Variants in STOX2 observed in about 807,000 individuals in gnomAD.
The protein encoded by STOX2 is storkhead box 2, also known as storkhead-box protein 2.
Under a neutral mutation model 60.9 loss-of-function variants are expected in STOX2, and 28 were observed. The ratio of observed to expected loss-of-function variants is 0.46; its 90% CI spans 0.34 to 0.63. The LOEUF (loss-of-function observed/expected upper bound fraction) is 0.63. Ranked by LOEUF, STOX2 falls within the 30% of genes least tolerant of loss-of-function variation. The probability of loss-of-function intolerance (pLI) is 0.01; values close to 1 mark genes in which losing one functional copy is unlikely to be tolerated. For missense variants in STOX2, 1,024 were observed against 1,187.7 expected, an observed-to-expected ratio of 0.86 and a Z score of 2.03; for synonymous variants, 472 against 463.9, an observed-to-expected ratio of 1.02 and a Z score of -0.22.
At chr4:183,892,369 C>T (rs896220134) in intron 1 of STOX2, among the ~76,000 whole-genome samples, 2 of 152,196 alleles carry the variant, frequency 1.3e-5, no homozygotes, top group Admixed American at 6.5e-5. Context: ...AGCTCCGCCT[C>T]CCGGGTTCAC....
At chr4:183,916,317 A>G (rs1741930408) in intron 1 of STOX2, among the ~76,000 whole-genome samples, 1 of 151,880 alleles carries the variant, frequency 6.6e-6, no homozygotes, top group Non-Finnish European at 1.5e-5. Context: ...AGTGTATTTT[A>G]CTCTATCCTT....
At chr4:183,933,412 C>G (rs201237879) in intron 1 of STOX2, among the ~76,000 whole-genome samples, 2,408 of 152,184 alleles carry the variant, frequency 0.016, 45 homozygotes, top group Middle Eastern at 0.065. Context: ...GTTGTTGAGA[C>G]AGTTTCACTC....
intron 1 of STOX2, among the ~76,000 whole-genome samples, chr4:183,875,589 G>A (rs1740811412): frequency 6.6e-6 from 1 of 152,204 alleles, no homozygotes; most frequent in South Asian, 2.1e-4. Flanking sequence ...AGCAGTAGCT[G>A]GTGTCTCCTT....
intron 1 of STOX2, among the ~76,000 whole-genome samples, chr4:183,915,553 T>A (rs1043274297): frequency 2.6e-5 from 4 of 152,178 alleles, no homozygotes; most frequent in Admixed American, 2.0e-4. Context: ...TACCTGCGAA[T>A]ATGCCCTTAT....
Position 184,011,079 on chromosome 4 carries a change from G to T in STOX2, c.2241G>T (p.Gly747=), listed in dbSNP as rs1734144763. 6.2e-7 allele frequency: 1 copy of T among 1,602,656 alleles called. No homozygotes were observed. The change falls in exon 3 of 4, where the codon GGG becomes GGT. Residue 747 remains glycine (G), a synonymous_variant. Transcript: ENST00000308497. The surrounding 1 kb of genome is among the most constrained non-coding windows in gnomAD (Gnocchi z 4.4). ...GRCEKLEPSL[G]TSAAQAMPAS... ...GTGAGAAACTGGAACCGTCCCTGGG[G>T]ACCTCGGCGGCACAAGCCATGCCTG...
chr4:183,941,194 A>G (rs759061201), intron 1 of STOX2, among the ~76,000 whole-genome samples: 43 of 152,274 alleles, frequency 2.8e-4, no homozygotes, highest in Non-Finnish European at 4.6e-4. Flanking sequence ...GGAGCCTTTG[A>G]GTCGTATGTA....
At chr4:183,897,087 AAG>A (rs948914089) in intron 1 of STOX2, among the ~76,000 whole-genome samples, 16 of 152,324 alleles carry the variant, frequency 1.1e-4, no homozygotes, top group Middle Eastern at 3.4e-3. Context: ...TCCCTGGGGC[AAG>A]CCTGAGATGC....
At chr4:183,799,069 T>C (rs1738701270) in intron 1 of STOX2, among the ~76,000 whole-genome samples, 4 of 152,246 alleles carry the variant, frequency 2.6e-5, no homozygotes, top group Admixed American at 6.5e-5. Flanking sequence ...TTACCCGCTG[T>C]TGCTATGCCG....
In STOX2 at chr4:184,011,553, A is replaced by G. The variant is rs1734175461; in HGVS notation, c.2585+130A>G. On this transcript the variant is annotated intron_variant, in intron 3 of 3. Transcript: ENST00000308497. This position sits in a 1 kb window ranked among gnomAD's most constrained non-coding sequence, Gnocchi z 4.4. ...GAGGGTTAAGAGTTGTATGAGTTGTATTGTTAACAATCTGTTTCTGACTTC... is the reference window on the plus strand; with the variant it reads ...GAGGGTTAAGAGTTGTATGAGTTGTGTTGTTAACAATCTGTTTCTGACTTC... The G allele has an allele frequency of 1.3e-6, 2 of 1,555,596 alleles. No individual in the cohort carries two copies. Among genetic ancestry groups the G allele is most frequent in the African/African-American group, 2.7e-5 (2 of 73,346 alleles).
At chr4:183,898,232 T>C (rs1213113419) in intron 1 of STOX2, among the ~76,000 whole-genome samples, 1 of 152,066 alleles carries the variant, frequency 6.6e-6, no homozygotes, top group African/African-American at 2.4e-5. Flanking sequence ...AAACACAGTA[T>C]GGCGGTGGAC....
At chr4:183,906,995 C>T in intron 1 of STOX2, 39 bp downstream of exon 1, 3 of 1,483,920 alleles carry the variant, frequency 2.0e-6, no homozygotes, top group Non-Finnish European at 1.8e-6. Flanking sequence ...GGGCCGGGGC[C>T]GCGGGACGTG....
intron 2 of STOX2, among the ~76,000 whole-genome samples, chr4:184,007,256 G>A (rs114365842): frequency 1.3e-5 from 2 of 152,066 alleles, no homozygotes; most frequent in South Asian, 2.1e-4. Flanking sequence ...ATGTTACCGC[G>A]CATTCACGGA....
At chr4:183,817,170 C>A (rs867192069) in intron 1 of STOX2, among the ~76,000 whole-genome samples, 6 of 152,204 alleles carry the variant, frequency 3.9e-5, no homozygotes, top group African/African-American at 1.2e-4. Flanking sequence ...AGCTAGTGAA[C>A]TGAAGCAAAG....
intron 3 of STOX2, 147 bp from the exon 4 acceptor site, chr4:184,016,942 G>A (rs1734397470): frequency 1.6e-6 from 1 of 622,246 alleles, no homozygotes; most frequent in African/African-American, 1.9e-5. Context: ...AGGCAGATGT[G>A]AATAATCAGT....
chr4:183,937,110 G>A (rs1042542602), intron 1 of STOX2, among the ~76,000 whole-genome samples: 1 of 152,186 alleles, frequency 6.6e-6, no homozygotes, highest in Non-Finnish European at 1.5e-5. Flanking sequence ...TGTCTTTGAT[G>A]TACAGCTAAA....
intron 1 of STOX2, among the ~76,000 whole-genome samples, chr4:183,828,614 A>G (rs1739490428): frequency 6.6e-6 from 1 of 152,230 alleles, no homozygotes; most frequent in South Asian, 2.1e-4. Flanking sequence ...TTTAGGGCAT[A>G]ATCCCAGAGG....
chr4:183,905,049 G>A (rs1560873526), upstream of STOX2, among the ~76,000 whole-genome samples: 1 of 152,202 alleles, frequency 6.6e-6, no homozygotes, highest in Non-Finnish European at 1.5e-5. Context: ...AAGGAAATCG[G>A]GCTTATTTTT....
At chr4:183,803,049 CAAG>C (rs1561098424) in intron 1 of STOX2, among the ~76,000 whole-genome samples, 1 of 152,190 alleles carries the variant, frequency 6.6e-6, no homozygotes, top group Non-Finnish European at 1.5e-5. Context: ...TGGCAGAAGG[CAAG>C]GAGGAGCAAG....
At chr4:183,859,181 C>G (rs1157528173) in intron 1 of STOX2, among the ~76,000 whole-genome samples, 1 of 152,188 alleles carries the variant, frequency 6.6e-6, no homozygotes, top group Non-Finnish European at 1.5e-5. Context: ...CCTTGCTCAT[C>G]GCTGTGCCCC....
Sources: allele counts gnomAD v4.1 joint callset (sites outside exome capture counted in the v4.1 genomes callset), GRCh38; gene constraint gnomAD v4.1.1; non-coding constraint Gnocchi (gnomAD v3.1); transcripts MANE v1.5; gene names NCBI Gene and HGNC (gene_info 2026-07-23, HGNC 2026-07-21).